The following LRRC4C variants were observed in gnomAD, a reference collection of about 807,000 sequenced individuals.
LRRC4C encodes the protein leucine-rich repeat-containing protein 4C.
A neutral mutation model predicts 33.6 loss-of-function variants in LRRC4C; 5 were observed. The observed-to-expected ratio is 0.15, with a 90% CI of 0.08 to 0.31. The LOEUF (loss-of-function observed/expected upper bound fraction) is 0.31, where lower values mean the gene tolerates loss of function less well. Ranked by LOEUF, LRRC4C falls within the 10% of genes least tolerant of loss-of-function variation. The pLI, the probability that LRRC4C is intolerant of heterozygous loss-of-function variation, is 1.00. For missense variants in LRRC4C, 560 were observed against 796.7 expected, an observed-to-expected ratio of 0.70 and a Z score of 3.58; for synonymous variants, 329 against 302.0, an observed-to-expected ratio of 1.09 and a Z score of -0.93.
At chr11:41,222,819 G>C (rs1005646603) in intron 1 of LRRC4C, 10 of 87,502 alleles carry the variant, frequency 1.1e-4, no homozygotes, top group African/African-American at 5.2e-4. Context: ...TGTCTCTGTA[G>C]TTTTTCCTCT....
In LRRC4C at chr11:40,606,031, C is replaced by T. The variant is rs927039857; in HGVS notation, c.-270+42111G>A. Among the ~76,000 whole-genome samples the T allele has an allele frequency of 5.3e-5, 8 of 152,254 alleles. No homozygotes were observed. The South Asian group carries it at 8.3e-4, about 16-fold the overall frequency. On this transcript the variant is annotated intron_variant, in intron 3 of 6. Transcript: ENST00000528697. Reference sequence around the variant, plus strand: ...TGGCTCGTGGCTGCTGCAGAGGACACATGGCACAGCAGGTAGAGAACAAAA... The same window carrying T: ...TGGCTCGTGGCTGCTGCAGAGGACATATGGCACAGCAGGTAGAGAACAAAA...
intron 2 of LRRC4C, among the ~76,000 whole-genome samples, chr11:40,774,811 G>T (rs1413854964): frequency 6.6e-6 from 1 of 152,064 alleles, no homozygotes; most frequent in Non-Finnish European, 1.5e-5. Flanking sequence ...GATGCATTTT[G>T]AGGGCTATTT....
intron 3 of LRRC4C, among the ~76,000 whole-genome samples, chr11:40,463,801 G>A (rs1198351136): frequency 1.3e-5 from 2 of 152,024 alleles, no homozygotes; most frequent in Non-Finnish European, 2.9e-5. Context: ...TTATGGTAAA[G>A]TAATAGGTCT....
intron 1 of LRRC4C, among the ~76,000 whole-genome samples, chr11:41,414,733 GA>G (rs1191845081): frequency 6.6e-6 from 1 of 151,942 alleles, no homozygotes; most frequent in Non-Finnish European, 1.5e-5. Context: ...TCCTCAACTC[GA>G]GAAAGATAAT....
chr11:40,372,015 T>G (rs1006591779), intron 3 of LRRC4C, among the ~76,000 whole-genome samples: 1 of 152,216 alleles, frequency 6.6e-6, no homozygotes, highest in Non-Finnish European at 1.5e-5. Context: ...ACTATGATTG[T>G]GGCTTGTGGT....
intron 3 of LRRC4C, among the ~76,000 whole-genome samples, chr11:40,448,475 C>T (rs1049072070): frequency 1.3e-5 from 2 of 152,032 alleles, no homozygotes; most frequent in Non-Finnish European, 2.9e-5. Context: ...TGTTCAACTC[C>T]CATGTATGAG....
intron 2 of LRRC4C, among the ~76,000 whole-genome samples, chr11:40,880,662 A>G (rs1400769588): frequency 6.6e-6 from 1 of 151,792 alleles, no homozygotes; most frequent in Non-Finnish European, 1.5e-5. Context: ...TAATGCATCA[A>G]ATAGCATCTA....
chr11:41,021,551 C>T (rs1250331957), intron 1 of LRRC4C, among the ~76,000 whole-genome samples: 1 of 152,018 alleles, frequency 6.6e-6, no homozygotes, highest in African/African-American at 2.4e-5. Context: ...ACTCAAATTA[C>T]CTACTTTATA....
chr11:40,435,017 C>T (rs1286630641), intron 3 of LRRC4C, among the ~76,000 whole-genome samples: 1 of 152,126 alleles, frequency 6.6e-6, no homozygotes, highest in Non-Finnish European at 1.5e-5. Context: ...TCCCCCAAAT[C>T]ACAAGGGCAT....
intron 1 of LRRC4C, among the ~76,000 whole-genome samples, chr11:40,975,026 G>T (rs577268201): frequency 2.7e-4 from 41 of 152,288 alleles, no homozygotes; most frequent in Non-Finnish European, 5.3e-4. Context: ...AGGGTCTCCA[G>T]CCTGCAGATG....
At chr11:41,295,423 A>G (rs2958860) in intron 1 of LRRC4C, among the ~76,000 whole-genome samples, 55,153 of 152,098 alleles carry the variant, frequency 0.36, 12,034 homozygotes, top group Non-Finnish European at 0.49. Context: ...GAAGACAACA[A>G]TGGAAAAGGA....
At chr11:41,025,074 C>G (rs1249001204) in intron 1 of LRRC4C, among the ~76,000 whole-genome samples, 1 of 151,424 alleles carries the variant, frequency 6.6e-6, no homozygotes. Context: ...ACTGGCTGTT[C>G]CCTTGTCTTT....
chr11:40,333,241 A>C (rs553293629), intron 3 of LRRC4C, among the ~76,000 whole-genome samples: 7 of 152,180 alleles, frequency 4.6e-5, no homozygotes, highest in Non-Finnish European at 8.8e-5. Context: ...ATGTGGAATT[A>C]TTCTGATTAA....
chr11:40,376,369 T>C (rs547617231), intron 3 of LRRC4C, among the ~76,000 whole-genome samples: 146 of 152,228 alleles, frequency 9.6e-4, no homozygotes, highest in Middle Eastern at 3.4e-3. Context: ...TGCTTTTATA[T>C]AGAAACACAG....
At chr11:41,277,590 A>T (rs1057347627) in intron 1 of LRRC4C, among the ~76,000 whole-genome samples, 2 of 152,162 alleles carry the variant, frequency 1.3e-5, no homozygotes, top group Non-Finnish European at 2.9e-5. Context: ...GACAGACAGC[A>T]TAAAGTGAGG....
At chr11:40,826,536 C>T (rs1267684578) in intron 2 of LRRC4C, among the ~76,000 whole-genome samples, 1 of 151,830 alleles carries the variant, frequency 6.6e-6, no homozygotes, top group Admixed American at 6.6e-5. Context: ...AGAGAAAACG[C>T]ACGTCTTTTG....
intron 2 of LRRC4C, among the ~76,000 whole-genome samples, chr11:40,803,949 AT>A (rs543103386): frequency 3.3e-3 from 505 of 152,338 alleles, no homozygotes; most frequent in Non-Finnish European, 5.0e-3. Flanking sequence ...ATATTTTTAA[AT>A]GTACAATTAA....
intron 3 of LRRC4C, among the ~76,000 whole-genome samples, chr11:40,507,426 C>CTTTTTT (rs200238552): frequency 6.6e-6 from 1 of 151,814 alleles, no homozygotes; most frequent in Non-Finnish European, 1.5e-5. Context: ...CAAATTAAAA[C>CTTTTTT]TTTTTTTTAA....
At chr11:41,347,444 C>A (rs1163702118) in intron 1 of LRRC4C, among the ~76,000 whole-genome samples, 1 of 152,076 alleles carries the variant, frequency 6.6e-6, no homozygotes, top group African/African-American at 2.4e-5. Flanking sequence ...CTCTAGGGTA[C>A]AAATACCACT....
Sources: allele counts gnomAD v4.1 joint callset (sites outside exome capture counted in the v4.1 genomes callset), GRCh38; gene constraint gnomAD v4.1.1; transcripts MANE v1.5; gene names NCBI Gene and HGNC (gene_info 2026-07-23, HGNC 2026-07-21).